PBK: variants seen among roughly 807,000 people sequenced by gnomAD.
The protein encoded by PBK is lymphokine-activated killer T-cell-originated protein kinase.
A neutral mutation model predicts 33.5 loss-of-function variants in PBK; 22 were observed. The observed-to-expected ratio is 0.66, with a 90% CI of 0.47 to 0.94. The LOEUF is 0.94. PBK is among the 40% of genes least tolerant of loss of function. The pLI is 0.00. For synonymous variants in PBK, 129 were observed against 123.8 expected (o/e 1.04, Z -0.28); for missense variants, 376 against 383.4 (o/e 0.98, Z 0.16).
intron 6 of PBK, among the ~76,000 whole-genome samples, chr8:27,818,677 T>C (rs929902357): frequency 2.6e-5 from 4 of 152,156 alleles, no homozygotes; most frequent in African/African-American, 9.7e-5. Flanking sequence ...ATCTTATACA[T>C]TTATCTCAGT....
intron 5 of PBK, among the ~76,000 whole-genome samples, chr8:27,822,034 T>C (rs1474216873): frequency 6.6e-6 from 1 of 152,174 alleles, no homozygotes; most frequent in Non-Finnish European, 1.5e-5. Context: ...AGCCCAGGTG[T>C]GTAGTTGGCT....
At chr8:27,828,381 T>C (rs1806066966) in intron 2 of PBK, among the ~76,000 whole-genome samples, 183 bp from the exon 3 acceptor site, 1 of 152,222 alleles carries the variant, frequency 6.6e-6, no homozygotes, top group African/African-American at 2.4e-5. Context: ...AGTTTTATCC[T>C]ACAGTAACTC....
At chr8:27,810,721 T>C (rs543029584) in intron 7 of PBK, among the ~76,000 whole-genome samples, 7 of 152,256 alleles carry the variant, frequency 4.6e-5, no homozygotes, top group Admixed American at 1.3e-4. Flanking sequence ...CTTCCTGTGA[T>C]AGTTTTCCAA....
rs191614291 is a variant in PBK at position 27,830,452 on chromosome 8, G to C, written c.59-2254C>G. ...AAAAATGAAGCAAAGAGAGAAAAAG[G>C]TTAGAAAAAAATCATCAATGAGCTA... On this transcript the variant is annotated intron_variant, in intron 2 of 7. Coordinates refer to ENST00000301905, the MANE Select transcript of PBK (RefSeq NM_018492.4). 2.0e-5 allele frequency among the ~76,000 whole-genome samples: 3 copies of C among 152,174 alleles called. No individual in the cohort carries two copies. The East Asian group carries it at 5.8e-4, about 29-fold the overall frequency.
chr8:27,833,274 C>T (rs1585436752), intron 1 of PBK, 141 bp from the exon 2 acceptor site: 1 of 375,860 alleles, frequency 2.7e-6, no homozygotes, highest in South Asian at 3.9e-5. Flanking sequence ...GGTGGATCAC[C>T]TGAGGTCGGT....
In PBK at chr8:27,822,314, G is replaced by C; in HGVS notation, c.465+5C>G. The C allele has an allele frequency of 6.3e-7, 1 of 1,575,706 alleles. No homozygotes were observed. Among genetic ancestry groups the C allele is most frequent in the Non-Finnish European group, 8.7e-7 (1 of 1,154,744 alleles). ...AAGTCATTTAAAATATAATGACATA[G>C]TTACCTTTAACCCTCTTGCCATATT... On this transcript the variant is annotated splice_donor_5th_base_variant and intron_variant, in intron 5 of 7. Transcript: ENST00000301905.
chr8:27,816,782 A>G (rs1014478918), intron 6 of PBK, among the ~76,000 whole-genome samples: 5 of 152,046 alleles, frequency 3.3e-5, no homozygotes, highest in Admixed American at 3.3e-4. Context: ...GTAAATACAT[A>G]TAAGTGCTAT....
intron 2 of PBK, among the ~76,000 whole-genome samples, chr8:27,829,568 G>A (rs1806088542): frequency 6.6e-6 from 1 of 152,168 alleles, no homozygotes; most frequent in African/African-American, 2.4e-5. Flanking sequence ...CAATATAGGA[G>A]AAAAATAAAT....
chr8:27,824,328 A>G (rs1055608029), intron 3 of PBK, among the ~76,000 whole-genome samples: 4 of 152,160 alleles, frequency 2.6e-5, no homozygotes, highest in Non-Finnish European at 5.9e-5. Flanking sequence ...AACATATTCT[A>G]ATCTATCGAA....
intron 6 of PBK, among the ~76,000 whole-genome samples, chr8:27,814,685 A>G (rs1220260055): frequency 6.6e-6 from 1 of 152,124 alleles, no homozygotes; most frequent in Admixed American, 6.6e-5. Context: ...TTGCTTGCAC[A>G]TTTTGATATG....
chr8:27,823,138 A>G lies in PBK; in HGVS notation c.220T>C (p.Tyr74His). The G allele has an allele frequency of 6.4e-7, 1 of 1,554,562 alleles. No homozygotes were observed. The highest frequency in any genetic ancestry group is 8.9e-7 in the Non-Finnish European group (1 of 1,127,304). Reference protein sequence around the residue: ...KKINPICNDHYRSVYQKRLMD... With the variant: ...KKINPICNDHHRSVYQKRLMD... ...AGTCTCTTTTGATACACACTTCGAT[A>G]ATGATCATTACATATAGGATTAATC... Residue 74 changes from tyrosine (Y) to histidine (H), a missense_variant, in exon 4 of 8, where the codon TAT becomes CAT. Coordinates refer to ENST00000301905, the MANE Select transcript of PBK (RefSeq NM_018492.4).
At chr8:27,812,548 A>G (rs1805709551) in intron 6 of PBK, 1 of 151,958 alleles carries the variant, frequency 6.6e-6, no homozygotes, top group Non-Finnish European at 1.5e-5. Context: ...ACAGAATGGG[A>G]GAACATTTTT....
chr8:27,813,326 G>A (rs61201459), intron 6 of PBK, among the ~76,000 whole-genome samples: 2 of 152,032 alleles, frequency 1.3e-5, no homozygotes, highest in East Asian at 1.9e-4. Context: ...CATGGGGTAG[G>A]GGGGAGGGAT....
At chr8:27,833,280 TCGG>T (rs1806164889) in intron 1 of PBK, 147 bp from the exon 2 acceptor site, 2 of 371,686 alleles carry the variant, frequency 5.4e-6, no homozygotes, top group Non-Finnish European at 8.7e-6. Context: ...TCACCTGAGG[TCGG>T]TGGATCACCT....
Position 27,828,134 on chromosome 8 carries a change from A to T in PBK, c.123T>A (p.Gly41=), listed in dbSNP as rs1437396020. The stretch of plus-strand genomic sequence containing the variant: ...TCATTAGGTACACATTTACCCCAGT[A>T]CCAAAGCCAAGCTTCTGCATAAACG... ...ASPFMQKLGF[G]TGVNVYLMKR... Residue 41 remains glycine (G), a synonymous_variant, in exon 3 of 8, where the codon GGT becomes GGA. Coordinates refer to ENST00000301905, the MANE Select transcript of PBK (RefSeq NM_018492.4). 5 of 1,581,890 alleles carry T rather than the reference A, an allele frequency of 3.2e-6. No individual in the cohort carries two copies. The highest frequency in any genetic ancestry group is 3.5e-6 in the Non-Finnish European group (4 of 1,152,280).
intron 6 of PBK, among the ~76,000 whole-genome samples, 165 bp downstream of exon 6, chr8:27,820,400 A>G (rs890984420): frequency 6.6e-6 from 1 of 152,200 alleles, no homozygotes; most frequent in Non-Finnish European, 1.5e-5. Flanking sequence ...ACATGTGGCA[A>G]GGGAGAAGAC....
At chr8:27,818,186 A>C (rs1215286145) in intron 6 of PBK, among the ~76,000 whole-genome samples, 3 of 152,212 alleles carry the variant, frequency 2.0e-5, no homozygotes, top group Non-Finnish European at 2.9e-5. Flanking sequence ...TGGTTGTTGT[A>C]AGTCACTGAA....
chr8:27,819,647 A>G (rs916817874), intron 6 of PBK, among the ~76,000 whole-genome samples: 4 of 152,140 alleles, frequency 2.6e-5, no homozygotes, highest in African/African-American at 7.2e-5. Flanking sequence ...AATAAATATT[A>G]TGGTGCAGAG....
chr8:27,816,337 C>A (rs1422198458), intron 6 of PBK, among the ~76,000 whole-genome samples: 4 of 129,048 alleles, frequency 3.1e-5, no homozygotes, highest in East Asian at 2.7e-4. Flanking sequence ...GGCTTTTCAT[C>A]GAATACTATA....
Sources: allele counts gnomAD v4.1 joint callset (sites outside exome capture counted in the v4.1 genomes callset), GRCh38; gene constraint gnomAD v4.1.1; transcripts MANE v1.5; gene names NCBI Gene and HGNC (gene_info 2026-07-23, HGNC 2026-07-21).